The following ST6GALNAC3 variants were observed in gnomAD, a reference collection of about 807,000 sequenced individuals.
ST6GALNAC3 encodes alpha-N-acetylgalactosaminide alpha-2,6-sialyltransferase 3.
In ST6GALNAC3, 25 loss-of-function variants were observed where a neutral mutation model predicts 32.7. The ratio of observed to expected loss-of-function variants is 0.76; its 90% CI spans 0.56 to 1.07. The LOEUF (loss-of-function observed/expected upper bound fraction) is 1.07, where lower values mean the gene tolerates loss of function less well. ST6GALNAC3 is among the 50% of genes least tolerant of loss of function. The pLI is 0.00. For missense variants in ST6GALNAC3, 355 were observed against 382.4 expected, an observed-to-expected ratio of 0.93 and a Z score of 0.60; for synonymous variants, 129 against 133.1, an observed-to-expected ratio of 0.97 and a Z score of 0.21.
chr1:76,274,635 A>C (rs568099931), intron 1 of ST6GALNAC3, among the ~76,000 whole-genome samples: 10 of 152,268 alleles, frequency 6.6e-5, no homozygotes, highest in African/African-American at 2.4e-4. Flanking sequence ...AAACTTATTA[A>C]ATTCTCATAT....
intron 1 of ST6GALNAC3, among the ~76,000 whole-genome samples, chr1:76,080,196 G>C (rs1396911979): frequency 6.6e-6 from 1 of 152,240 alleles, no homozygotes; most frequent in Non-Finnish European, 1.5e-5. Context: ...GTAAAAGGCA[G>C]AAAAGGCTTT....
At chr1:76,348,134 C>G (rs1337767515) in intron 2 of ST6GALNAC3, among the ~76,000 whole-genome samples, 1 of 152,112 alleles carries the variant, frequency 6.6e-6, no homozygotes, top group East Asian at 1.9e-4. Context: ...GAGAGCCCTA[C>G]AAATTAAAAT....
intron 2 of ST6GALNAC3, among the ~76,000 whole-genome samples, chr1:76,356,392 C>A (rs1161925278): frequency 1.3e-5 from 2 of 149,554 alleles, no homozygotes; most frequent in African/African-American, 2.5e-5. Context: ...GCATGCCAAC[C>A]CCCGATCTAG....
intron 3 of ST6GALNAC3, among the ~76,000 whole-genome samples, chr1:76,420,920 C>G (rs1654988630): frequency 6.6e-6 from 1 of 151,964 alleles, no homozygotes; most frequent in African/African-American, 2.4e-5. Context: ...TATGGACTTC[C>G]TTGTTATAGA....
chr1:76,432,443 CTTTTTTTTTT>C (rs35527607), intron 3 of ST6GALNAC3, among the ~76,000 whole-genome samples: 3 of 57,188 alleles, frequency 5.2e-5, no homozygotes, highest in South Asian at 7.0e-4. Context: ...CCTTTATTGC[CTTTTTTTTTT>C]TTTTTTTTTT....
chr1:76,614,528 G>C (rs541789199), intron 3 of ST6GALNAC3, among the ~76,000 whole-genome samples: 1 of 151,900 alleles, frequency 6.6e-6, no homozygotes, highest in African/African-American at 2.4e-5. Context: ...GACCATCCTG[G>C]CTAACACAGT....
intron 2 of ST6GALNAC3, among the ~76,000 whole-genome samples, chr1:76,322,797 C>T (rs2100928309): frequency 6.8e-6 from 1 of 146,898 alleles, no homozygotes. Context: ...TTAACCGAGT[C>T]ATCTGACTAA....
chr1:76,599,015 T>C (rs970761107), intron 3 of ST6GALNAC3, among the ~76,000 whole-genome samples: 1 of 152,210 alleles, frequency 6.6e-6, no homozygotes, highest in Non-Finnish European at 1.5e-5. Context: ...ATCTACTTTA[T>C]TAATATTATT....
chr1:76,089,781 A>G (rs1264799719), intron 1 of ST6GALNAC3, among the ~76,000 whole-genome samples: 2 of 152,172 alleles, frequency 1.3e-5, no homozygotes, highest in South Asian at 2.1e-4. Flanking sequence ...CAGAGTCACT[A>G]TATAGCAGCT....
intron 2 of ST6GALNAC3, among the ~76,000 whole-genome samples, chr1:76,343,060 A>C (rs1648192120): frequency 6.6e-6 from 1 of 152,112 alleles, no homozygotes; most frequent in East Asian, 1.9e-4. Flanking sequence ...TTTGCTGTGC[A>C]GAAGCCCGTC....
At chr1:76,220,058 G>A (rs1655682352) in intron 1 of ST6GALNAC3, among the ~76,000 whole-genome samples, 1 of 152,112 alleles carries the variant, frequency 6.6e-6, no homozygotes, top group Admixed American at 6.6e-5. Flanking sequence ...AAACTCAAAA[G>A]TAGAAATACT....
chr1:76,183,069 G>A (rs603022), intron 1 of ST6GALNAC3, among the ~76,000 whole-genome samples: 19,423 of 152,026 alleles, frequency 0.13, 1,610 homozygotes, highest in Non-Finnish European at 0.19. Context: ...TCTGTTTGGG[G>A]TTTTGTTTAA....
chr1:76,625,520 C>A (rs1264726325), intron 3 of ST6GALNAC3, among the ~76,000 whole-genome samples: 1 of 151,662 alleles, frequency 6.6e-6, no homozygotes, highest in Non-Finnish European at 1.5e-5. Flanking sequence ...GAATAATAAC[C>A]AGACAAATTC....
At chr1:76,352,497 CTTTTT>C (rs397706056) in intron 2 of ST6GALNAC3, among the ~76,000 whole-genome samples, 5 of 116,206 alleles carry the variant, frequency 4.3e-5, no homozygotes, top group Middle Eastern at 5.3e-3. Flanking sequence ...TTTTGGTTTC[CTTTTT>C]TTTTTTTTTT....
At chr1:76,355,120 A>G (rs1289318763) in intron 2 of ST6GALNAC3, among the ~76,000 whole-genome samples, 2 of 152,152 alleles carry the variant, frequency 1.3e-5, no homozygotes, top group African/African-American at 4.8e-5. Flanking sequence ...GGGATGAAGT[A>G]AAAAATTCAC....
chr1:76,412,997 A>G, intron 3 of ST6GALNAC3: 1 of 358,240 alleles, frequency 2.8e-6, no homozygotes, highest in Non-Finnish European at 5.5e-6. Context: ...TATTTTAAAG[A>G]AATGAGGTAT....
chr1:76,149,214 C>A (rs1650884830), intron 1 of ST6GALNAC3, among the ~76,000 whole-genome samples: 1 of 152,168 alleles, frequency 6.6e-6, no homozygotes, highest in Non-Finnish European at 1.5e-5. Context: ...ATGGTCAAAT[C>A]ATGTTTGTTT....
At chr1:76,346,171 TC>T (rs1247053095) in intron 2 of ST6GALNAC3, among the ~76,000 whole-genome samples, 3 of 152,218 alleles carry the variant, frequency 2.0e-5, no homozygotes, top group African/African-American at 7.2e-5. Flanking sequence ...ATGTCAGCTT[TC>T]TTCTTGATTC....
At chr1:76,087,784 C>T (rs1452421125) in intron 1 of ST6GALNAC3, among the ~76,000 whole-genome samples, 1 of 152,166 alleles carries the variant, frequency 6.6e-6, no homozygotes, top group East Asian at 1.9e-4. Flanking sequence ...TCAGATCATA[C>T]ATAGATAAAC....
Sources: gnomAD v4.1 joint callset for allele counts (sites outside exome capture counted in the v4.1 genomes callset) on GRCh38, gnomAD v4.1.1 for gene constraint, MANE v1.5 for transcripts, NCBI Gene and HGNC (gene_info 2026-07-23, HGNC 2026-07-21) for gene names.